The following ZMYM4 variants were observed in gnomAD, a reference collection of about 807,000 sequenced individuals.
ZMYM4 encodes zinc finger MYM-type protein 4.
Under a neutral mutation model 183.2 loss-of-function variants are expected in ZMYM4, and 31 were observed. That is an observed-to-expected ratio of 0.17 (90% CI 0.13 to 0.23). ZMYM4 has a LOEUF of 0.23. ZMYM4 is among the 10% of genes least tolerant of loss of function. The pLI, the probability that ZMYM4 is intolerant of heterozygous loss-of-function variation, is 1.00. For synonymous variants in ZMYM4, 592 were observed against 631.2 expected (o/e 0.94, Z 0.93); for missense variants, 1,273 against 1,840.3 (o/e 0.69, Z 5.64).
chr1:35,271,303 TGTC>T (rs774762820), intron 1 of ZMYM4, among the ~76,000 whole-genome samples: 3 of 152,058 alleles, frequency 2.0e-5, no homozygotes, highest in African/African-American at 4.8e-5. Context: ...TTCTGCCTCT[TGTC>T]GTACACTTAA....
In ZMYM4 at chr1:35,392,243, A is replaced by G. The variant is rs1174504566; in HGVS notation, c.2619A>G (p.Ala873=). ...TTTCCATGGTTCAAGCTGCTTCAGC[A>G]GGACCCCCATCTCTGAGAAAAGATT... ...ANISMVQAAS[A]GPPSLRKDST... is the part of the protein sequence containing the mutation. The change falls in exon 16 of 30, where the codon GCA becomes GCG. Residue 873 remains alanine, a synonymous_variant. Transcript: ENST00000314607. 1.9e-6 allele frequency: 3 copies of G among 1,614,194 alleles called. No homozygotes were observed. The highest frequency in any genetic ancestry group is 2.2e-5 in the East Asian group (1 of 44,884).
intron 2 of ZMYM4, among the ~76,000 whole-genome samples, chr1:35,326,997 C>A (rs1642530977): frequency 6.6e-6 from 1 of 152,096 alleles, no homozygotes; most frequent in Non-Finnish European, 1.5e-5. Context: ...GTCACTGGGA[C>A]TACAGGCACA....
chr1:35,292,689 C>T (rs35630350), intron 1 of ZMYM4, among the ~76,000 whole-genome samples: 1,941 of 151,870 alleles, frequency 0.013, 24 homozygotes, highest in Non-Finnish European at 0.02. Context: ...TAGTAGAGAC[C>T]GGGTTTCACC....
Position 35,386,873 on chromosome 1 carries a change from A to G in ZMYM4, c.1837-130A>G, listed in dbSNP as rs1433993362. 1.1e-5 allele frequency: 11 copies of G among 969,382 alleles called. No homozygotes were observed. In the South Asian group the frequency reaches 1.3e-4, roughly 12 times the overall value. 60.0% of individuals were successfully genotyped at this position (969,382 alleles called of 1,614,324 possible). On this transcript the variant is annotated intron_variant, in intron 11 of 29. Transcript: ENST00000314607. The stretch of plus-strand genomic sequence containing the variant: ...CCCCATTCCGTAATAAGCTGCTCAG[A>G]GGCAGGAACATTGCCTGTTAACAGA...
intron 2 of ZMYM4, among the ~76,000 whole-genome samples, chr1:35,330,156 G>A (rs929032982): frequency 2.6e-5 from 4 of 151,732 alleles, no homozygotes; most frequent in African/African-American, 7.3e-5. Flanking sequence ...TTGAGGTTAC[G>A]GTGAGCTGAT....
At position 35,268,765 on chromosome 1, in the gene ZMYM4, A is replaced by G. The variant is rs1639431345; in HGVS notation, c.-282A>G. Among the ~76,000 whole-genome samples the G allele has an allele frequency of 2.6e-5, 4 of 152,212 alleles. No homozygotes were observed. In the South Asian group the frequency reaches 8.3e-4, roughly 31 times the overall value. On this transcript the variant is annotated 5_prime_UTR_variant, in exon 1 of 30. Coordinates refer to ENST00000314607, the MANE Select transcript of ZMYM4 (RefSeq NM_005095.3). ...GGAGGAATTTCTCTGAGAGAAAATAATCCTACTCACGGGGCCCCTTGGAGG... is the reference window on the plus strand; with the variant it reads ...GGAGGAATTTCTCTGAGAGAAAATAGTCCTACTCACGGGGCCCCTTGGAGG...
At chr1:35,397,655 T>G (rs752989986) in intron 20 of ZMYM4, 110 bp downstream of exon 20, 3 of 903,176 alleles carry the variant, frequency 3.3e-6, no homozygotes, top group Non-Finnish European at 4.6e-6. Context: ...CTTTATTGTC[T>G]GTGAATACCA....
intron 1 of ZMYM4, among the ~76,000 whole-genome samples, chr1:35,279,359 A>G (rs888722433): frequency 6.6e-6 from 1 of 152,198 alleles, no homozygotes; most frequent in Non-Finnish European, 1.5e-5. Context: ...GGGGGTCCAT[A>G]TCATTAGACG....
intron 1 of ZMYM4, among the ~76,000 whole-genome samples, chr1:35,272,445 A>G (rs953955157): frequency 6.6e-6 from 1 of 152,096 alleles, no homozygotes; most frequent in Non-Finnish European, 1.5e-5. Context: ...CATAGTATCT[A>G]TTTCATTGCT....
intron 2 of ZMYM4, among the ~76,000 whole-genome samples, chr1:35,338,248 C>T (rs1232300251): frequency 1.3e-5 from 2 of 152,142 alleles, no homozygotes; most frequent in South Asian, 2.1e-4. Flanking sequence ...TTGCTAGAAA[C>T]GCAAAACTTA....
chr1:35,288,311 A>G (rs1640603274), intron 1 of ZMYM4, among the ~76,000 whole-genome samples: 1 of 152,220 alleles, frequency 6.6e-6, no homozygotes, highest in African/African-American at 2.4e-5. Context: ...TTCTAAAATG[A>G]AAACATGTTT....
intron 20 of ZMYM4, 149 bp from the exon 21 acceptor site, chr1:35,398,264 A>G: frequency 1.5e-6 from 1 of 661,308 alleles, no homozygotes; most frequent in South Asian, 2.3e-5. Flanking sequence ...CCTAATGTCT[A>G]ATTTTGTTAA....
intron 7 of ZMYM4, among the ~76,000 whole-genome samples, chr1:35,371,277 A>G (rs1465795428): frequency 6.6e-6 from 1 of 151,700 alleles, no homozygotes; most frequent in Non-Finnish European, 1.5e-5. Flanking sequence ...CACCATGCCC[A>G]GCTAATTTTT....
rs1302666742 is a variant in ZMYM4 at position 35,389,765 on chromosome 1, A to AT, written c.2437-183_2437-182insT. Among the ~76,000 whole-genome samples, 1 of 132,892 alleles carries AT rather than the reference A, an allele frequency of 7.5e-6. No homozygotes were observed. The highest frequency in any genetic ancestry group is 3.4e-5 in the African/African-American group (1 of 29,346). The allele number at this position is 132,892 out of a possible 152,430, so 87.2% of individuals were successfully genotyped here. On this transcript the variant is annotated intron_variant, in intron 14 of 29. Coordinates refer to ENST00000314607, the MANE Select transcript of ZMYM4 (RefSeq NM_005095.3). This position sits in a 1 kb window ranked among gnomAD's most constrained non-coding sequence, Gnocchi z 4.0. ...GCAAGGCTCTGTCTCAAAAAAAAAA[A>AT]AAAATATATATATATATGTGTGTGT...
At chr1:35,358,008 A>G (rs187058090) in intron 2 of ZMYM4, among the ~76,000 whole-genome samples, 16 of 152,342 alleles carry the variant, frequency 1.1e-4, no homozygotes, top group Non-Finnish European at 1.5e-5. Context: ...AAGGAATTTT[A>G]TCCATGAGGG....
chr1:35,324,715 C>T (rs1570355546), intron 1 of ZMYM4, among the ~76,000 whole-genome samples: 1 of 152,156 alleles, frequency 6.6e-6, no homozygotes, highest in Non-Finnish European at 1.5e-5. Flanking sequence ...TGATGAGTAA[C>T]AGGCAGGGAA....
intron 27 of ZMYM4, 24 bp from the exon 28 acceptor site, chr1:35,415,442 T>G (rs1480065421): frequency 2.5e-6 from 4 of 1,613,862 alleles, no homozygotes; most frequent in Admixed American, 3.3e-5. Flanking sequence ...CAGTACTGTT[T>G]CTTGTACCCC....
intron 2 of ZMYM4, among the ~76,000 whole-genome samples, chr1:35,327,003 G>A (rs563585972): frequency 2.6e-5 from 4 of 152,100 alleles, no homozygotes; most frequent in South Asian, 2.1e-4. Context: ...GGGACTACAG[G>A]CACACGTCAC....
chr1:35,392,131 T>A, intron 15 of ZMYM4, 81 bp from the exon 16 acceptor site: 2 of 1,576,384 alleles, frequency 1.3e-6, no homozygotes, highest in South Asian at 1.1e-5. Context: ...CTGAAAACAT[T>A]GTTTAACTTC....
Sources: allele counts gnomAD v4.1 joint callset (sites outside exome capture counted in the v4.1 genomes callset), GRCh38; gene constraint gnomAD v4.1.1; non-coding constraint Gnocchi (gnomAD v3.1); transcripts MANE v1.5; gene names NCBI Gene and HGNC (gene_info 2026-07-23, HGNC 2026-07-21).